Variants in PRIM2 observed in about 807,000 individuals in gnomAD.
PRIM2 encodes DNA primase subunit 2, also known as DNA primase large subunit.
PRIM2 carries 39 observed loss-of-function variants against 67.3 expected under a neutral mutation model. The observed-to-expected ratio is 0.58, with a 90% CI of 0.45 to 0.76. PRIM2 has a LOEUF of 0.76. PRIM2 is among the 30% of genes least tolerant of loss of function. PRIM2 has a pLI of 0.00. For missense variants in PRIM2, 398 were observed against 598.7 expected (o/e 0.66, Z 3.50); for synonymous variants, 143 against 198.7 (o/e 0.72, Z 2.36).
chr6:57,224,242 C>G, the PRIM2 span, among the ~76,000 whole-genome samples: 1 of 152,130 alleles, frequency 6.6e-6, no homozygotes, highest in Non-Finnish European at 1.5e-5. Flanking sequence ...TCAAGACCAG[C>G]CTGGGCAAAT....
chr6:57,242,128 C>T, the PRIM2 span, among the ~76,000 whole-genome samples: 7 of 152,090 alleles, frequency 4.6e-5, no homozygotes, highest in Non-Finnish European at 8.8e-5. Context: ...GTACAATGTT[C>T]TGGTACAAGG....
the PRIM2 span, among the ~76,000 whole-genome samples, chr6:57,233,873 G>C: frequency 6.6e-6 from 1 of 152,016 alleles, no homozygotes; most frequent in Non-Finnish European, 1.5e-5. Context: ...ATGTTGCCCA[G>C]GCTGGACTCA....
At chr6:57,615,603 A>G (rs1169434258) in intron 12 of PRIM2, among the ~76,000 whole-genome samples, 3 of 152,140 alleles carry the variant, frequency 2.0e-5, no homozygotes, top group Non-Finnish European at 4.4e-5. Context: ...CTATTTTAAT[A>G]GAAAAATTGG....
At chr6:57,246,852 A>G in the PRIM2 span, among the ~76,000 whole-genome samples, 1 of 135,692 alleles carries the variant, frequency 7.4e-6, no homozygotes. Flanking sequence ...CCCTGGACTT[A>G]ATTTCTTTTT....
At chr6:57,315,341 C>T (rs1767459326), upstream of PRIM2, among the ~76,000 whole-genome samples, 1 of 148,596 alleles carries the variant, frequency 6.7e-6, no homozygotes, top group Non-Finnish European at 1.5e-5. Flanking sequence ...GGTTCATAGA[C>T]CTAATTAACA....
chr6:57,288,853 G>T, the PRIM2 span, among the ~76,000 whole-genome samples: 1 of 152,202 alleles, frequency 6.6e-6, no homozygotes, highest in Non-Finnish European at 1.5e-5. Flanking sequence ...GGAGAAACCA[G>T]AGCAGAAAAG....
At chr6:57,485,140 A>G (rs1383449784) in intron 7 of PRIM2, among the ~76,000 whole-genome samples, 2 of 151,978 alleles carry the variant, frequency 1.3e-5, no homozygotes, top group Non-Finnish European at 1.5e-5. Flanking sequence ...GTGAATATCC[A>G]TGGTAGAGAT....
chr6:57,538,862 C>T (rs1340873837), intron 10 of PRIM2, among the ~76,000 whole-genome samples: 7 of 152,174 alleles, frequency 4.6e-5, no homozygotes, highest in Admixed American at 1.3e-4. Context: ...ACTAGTCTTA[C>T]GGGATTAGGG....
the PRIM2 span, among the ~76,000 whole-genome samples, chr6:57,256,720 A>G: frequency 7.3e-6 from 1 of 136,186 alleles, no homozygotes; most frequent in Non-Finnish European, 1.5e-5. Flanking sequence ...ACTTTCACAC[A>G]CACACACACA....
chr6:57,585,259 C>G (rs1776168673), intron 10 of PRIM2, among the ~76,000 whole-genome samples: 1 of 152,182 alleles, frequency 6.6e-6, no homozygotes, highest in Non-Finnish European at 1.5e-5. Flanking sequence ...AATAGTAAAA[C>G]TGACAACCTT....
intron 5 of PRIM2, among the ~76,000 whole-genome samples, chr6:57,374,440 C>T (rs1219983932): frequency 5.0e-4 from 74 of 146,852 alleles, no homozygotes; most frequent in South Asian, 6.6e-4. Flanking sequence ...ACTACAGGCG[C>T]GCGCCACCAT....
At chr6:57,613,346 A>G (rs1776698987) in intron 12 of PRIM2, among the ~76,000 whole-genome samples, 1 of 152,246 alleles carries the variant, frequency 6.6e-6, no homozygotes, top group Non-Finnish European at 1.5e-5. Context: ...ATAATAAGCC[A>G]TAATGTACTT....
chr6:57,422,263 C>G (rs1246796124), intron 7 of PRIM2, among the ~76,000 whole-genome samples: 1 of 146,762 alleles, frequency 6.8e-6, no homozygotes, highest in East Asian at 2.1e-4. Flanking sequence ...AAGTAATTCT[C>G]CCACCTCAGC....
chr6:57,311,929 G>A (rs1313595089), upstream of PRIM2, among the ~76,000 whole-genome samples: 2 of 150,388 alleles, frequency 1.3e-5, no homozygotes, highest in Non-Finnish European at 3.0e-5. Context: ...GAGAATCACC[G>A]GAGCCCGAGG....
intron 7 of PRIM2, among the ~76,000 whole-genome samples, chr6:57,461,043 G>A (rs1772987388): frequency 6.6e-6 from 1 of 152,148 alleles, no homozygotes; most frequent in Non-Finnish European, 1.5e-5. Flanking sequence ...AGGATGATAC[G>A]ATCCATGAAA....
At chr6:57,529,799 G>A (rs1356120423) in intron 8 of PRIM2, among the ~76,000 whole-genome samples, 1 of 152,094 alleles carries the variant, frequency 6.6e-6, no homozygotes, top group East Asian at 1.9e-4. Flanking sequence ...AGTTTTCTGT[G>A]CTTATAACAG....
At chr6:57,264,242 G>A in the PRIM2 span, among the ~76,000 whole-genome samples, 1 of 152,134 alleles carries the variant, frequency 6.6e-6, no homozygotes, top group Non-Finnish European at 1.5e-5. Flanking sequence ...GTATTTTAGT[G>A]TTTTCTGCAG....
chr6:57,505,971 GA>G (rs1774243624), intron 7 of PRIM2, among the ~76,000 whole-genome samples: 1 of 151,886 alleles, frequency 6.6e-6, no homozygotes. Flanking sequence ...GAAATCTCTT[GA>G]ACAATGAAAA....
At chr6:57,222,121 C>T in the PRIM2 span, 4 of 152,302 alleles carry the variant, frequency 2.6e-5, no homozygotes, top group Non-Finnish European at 5.9e-5. Context: ...CGCGCCAGCT[C>T]TCCCTGCGGG....
Sources: allele counts gnomAD v4.1 joint callset (sites outside exome capture counted in the v4.1 genomes callset), GRCh38; gene constraint gnomAD v4.1.1; transcripts MANE v1.5; gene names NCBI Gene and HGNC (gene_info 2026-07-23, HGNC 2026-07-21).